The following KNL1 variants were observed in gnomAD, a reference collection of about 807,000 sequenced individuals.
KNL1 encodes the protein kinetochore scaffold 1, also known as outer kinetochore KNL1 complex subunit KNL1.
KNL1 carries 66 observed loss-of-function variants against 201.3 expected under a neutral mutation model. That is an observed-to-expected ratio of 0.33 (90% CI 0.27 to 0.40). The LOEUF (loss-of-function observed/expected upper bound fraction) is 0.40. Ranked by LOEUF, KNL1 falls within the 10% of genes least tolerant of loss-of-function variation. KNL1 has a pLI of 1.00. For missense variants in KNL1, 2,815 were observed against 2,690.5 expected (o/e 1.05, Z -1.02); for synonymous variants, 895 against 899.2 (o/e 1.00, Z 0.08).
chr15:40,609,114 CATT>C (rs992715065), intron 5 of KNL1, among the ~76,000 whole-genome samples: 1 of 151,880 alleles, frequency 6.6e-6, no homozygotes, highest in African/African-American at 2.4e-5. Flanking sequence ...TGTTATTTGA[CATT>C]GTACTAGGGG....
intron 14 of KNL1, among the ~76,000 whole-genome samples, chr15:40,643,931 C>T (rs991231479): frequency 6.6e-6 from 1 of 152,206 alleles, no homozygotes; most frequent in African/African-American, 2.4e-5. Context: ...TTCATTCAAG[C>T]TGGCTTCTGA....
Position 40,622,219 on chromosome 15 carries a change from T to G in KNL1, c.1955T>G (p.Leu652Arg). ...KDWVLKILPY[L>R]DKDSPQSADC... Reference sequence around the variant, plus strand: ...TGGGTTTTGAAGATTTTGCCCTACCTTGATAAAGATTCTCCTCAGTCAGCT... The same window carrying G: ...TGGGTTTTGAAGATTTTGCCCTACCGTGATAAAGATTCTCCTCAGTCAGCT... Residue 652 changes from leucine to arginine, a missense_variant, in exon 10 of 26, where the codon CTT becomes CGT. Around this residue, in one of 3 missense-constraint regions of KNL1, gnomAD observed 2,464 missense variants for 2,291.7 expected, o/e 1.08. Coordinates refer to ENST00000399668, the MANE Select transcript of KNL1 (RefSeq NM_144508.5). 1.2e-6 allele frequency: 2 copies of G among 1,614,104 alleles called. No homozygotes were observed. Among genetic ancestry groups the G allele is most frequent in the Non-Finnish European group, 1.7e-6 (2 of 1,179,962 alleles).
At chr15:40,661,526 C>T (rs190273466) in intron 25 of KNL1, among the ~76,000 whole-genome samples, 114 of 152,208 alleles carry the variant, frequency 7.5e-4, no homozygotes, top group African/African-American at 2.6e-3. Flanking sequence ...TTATATTTGT[C>T]AGCAAACACC....
chr15:40,619,362 A>ATG (rs1310549190), intron 9 of KNL1, among the ~76,000 whole-genome samples: 1 of 150,652 alleles, frequency 6.6e-6, no homozygotes, highest in Non-Finnish European at 1.5e-5. Flanking sequence ...TGTAATATAT[A>ATG]TATATATATA....
At chr15:40,643,690 C>T (rs1049787616) in intron 14 of KNL1, among the ~76,000 whole-genome samples, 1 of 152,100 alleles carries the variant, frequency 6.6e-6, no homozygotes, top group Non-Finnish European at 1.5e-5. Flanking sequence ...TTTATAGCAG[C>T]GATCATTGAC....
chr15:40,598,539 A>C (rs1891685746), intron 1 of KNL1, among the ~76,000 whole-genome samples: 1 of 152,154 alleles, frequency 6.6e-6, no homozygotes, highest in African/African-American at 2.4e-5. Context: ...ACTGCACTCC[A>C]GCCTGGACAA....
chr15:40,647,122 A>G, intron 17 of KNL1, 48 bp downstream of exon 17: 1 of 899,330 alleles, frequency 1.1e-6, no homozygotes, highest in South Asian at 1.3e-5. Flanking sequence ...ATTTTATCTA[A>G]ATGCTCTCCT....
intron 17 of KNL1, among the ~76,000 whole-genome samples, chr15:40,649,860 C>G (rs1220699968): frequency 6.6e-6 from 1 of 152,158 alleles, no homozygotes; most frequent in Non-Finnish European, 1.5e-5. Context: ...TCTCATGGCT[C>G]TTTTGTTAGT....
At chr15:40,652,337 T>C (rs1893590343) in intron 21 of KNL1, among the ~76,000 whole-genome samples, 1 of 152,174 alleles carries the variant, frequency 6.6e-6, no homozygotes, top group South Asian at 2.1e-4. Context: ...AAATAAAAAT[T>C]TTGCTCTGCA....
intron 13 of KNL1, among the ~76,000 whole-genome samples, chr15:40,637,811 T>A (rs1393107274): frequency 1.3e-5 from 2 of 152,152 alleles, no homozygotes; most frequent in African/African-American, 2.4e-5. Context: ...ATTTATTTCA[T>A]GTATAAACAG....
At chr15:40,599,013 C>T (rs1426525460) in intron 1 of KNL1, among the ~76,000 whole-genome samples, 1 of 151,906 alleles carries the variant, frequency 6.6e-6, no homozygotes, top group Non-Finnish European at 1.5e-5. Flanking sequence ...CTATGTTGCC[C>T]AGGCTGCTGT....
intron 13 of KNL1, among the ~76,000 whole-genome samples, chr15:40,635,780 A>C (rs1383820716): frequency 1.3e-5 from 2 of 152,242 alleles, no homozygotes; most frequent in Non-Finnish European, 2.9e-5. Flanking sequence ...GCTATTGTAG[A>C]GGCCCATGAC....
Position 40,634,398 on chromosome 15 carries a change from C to T in KNL1, c.5682+5027C>T, listed in dbSNP as rs138784024. Among the ~76,000 whole-genome samples, 966 of 152,358 alleles carry T rather than the reference C, an allele frequency of 6.3e-3. 12 individuals are homozygous for T. The highest frequency in any genetic ancestry group is 0.022 in the African/African-American group (913 of 41,570). On this transcript the variant is annotated intron_variant, in intron 13 of 25. Transcript: ENST00000399668. ...GGGATTACAGGCATGAGCCACCACG[C>T]CTGGTGCGTGAATATACTTTAAAAT...
At chr15:40,633,811 T>C (rs545673476) in intron 13 of KNL1, among the ~76,000 whole-genome samples, 1 of 152,234 alleles carries the variant, frequency 6.6e-6, no homozygotes, top group Non-Finnish European at 1.5e-5. Context: ...GTGCTGGGAT[T>C]GCAGGTGCAA....
At chr15:40,652,760 CAAAAA>C (rs3986318) in intron 21 of KNL1, among the ~76,000 whole-genome samples, 4 of 116,804 alleles carry the variant, frequency 3.4e-5, no homozygotes, top group Admixed American at 9.8e-5. Context: ...AAAACTGTCT[CAAAAA>C]AAAAAAAAAA....
At chr15:40,616,055 GCGCCTGGC>G (rs1421348822) in intron 8 of KNL1, 3 of 150,330 alleles carry the variant, frequency 2.0e-5, no homozygotes, top group African/African-American at 7.3e-5. Context: ...GTGAGCCACC[GCGCCTGGC>G]CCAGGGCTTT....
chr15:40,625,506 C>T lies in KNL1; in HGVS notation c.5242C>T (p.Pro1748Ser). 6.2e-7 allele frequency: 1 copy of T among 1,612,026 alleles called. No homozygotes were observed. The highest frequency in any genetic ancestry group is 8.5e-7 in the Non-Finnish European group (1 of 1,179,592). The change falls in exon 10 of 26, where the codon CCA becomes TCA. Residue 1748 changes from proline to serine, a missense_variant. Physicochemically the swap from Pro to Ser is moderately conservative, Grantham distance 74. Transcript: ENST00000399668. ...LIETYQKEIS[P>S]YENKMGKTCN... ...TGAGACATACCAAAAAGAGATTTCA[C>T]CATATGAAAATAAAATGGGAAAAAC...
chr15:40,659,789 T>G (rs553802514), intron 25 of KNL1, among the ~76,000 whole-genome samples: 2 of 152,106 alleles, frequency 1.3e-5, no homozygotes, highest in African/African-American at 4.8e-5. Context: ...AAGGACTACT[T>G]TTTAATGTTC....
chr15:40,640,511 A>G (rs1030937315), intron 13 of KNL1, among the ~76,000 whole-genome samples: 1 of 152,192 alleles, frequency 6.6e-6, no homozygotes, highest in African/African-American at 2.4e-5. Flanking sequence ...GATGTGCCAG[A>G]AAAGTTTGAG....
Sources: allele counts gnomAD v4.1 joint callset (sites outside exome capture counted in the v4.1 genomes callset), GRCh38; gene constraint gnomAD v4.1.1; regional missense constraint gnomAD v4.1.1; transcripts MANE v1.5; gene names NCBI Gene and HGNC (gene_info 2026-07-23, HGNC 2026-07-21).